Variants in GPR160 observed in about 807,000 individuals in gnomAD.
GPR160 encodes the protein G protein-coupled receptor 160.
Under a neutral mutation model 2.6 loss-of-function variants are expected in GPR160, and 2 were observed. The ratio of observed to expected loss-of-function variants is 0.77; its 90% confidence interval spans 0.32 to 2.44. The LOEUF (loss-of-function observed/expected upper bound fraction) is 2.44. Ranked by LOEUF, GPR160 falls within the 30% of genes most tolerant of loss-of-function variation. GPR160 has a pLI of 0.11. For missense variants in GPR160, 351 were observed against 383.6 expected, an observed-to-expected ratio of 0.91 and a Z score of 0.71; for synonymous variants, 130 against 132.2, an observed-to-expected ratio of 0.98 and a Z score of 0.12.
intron 2 of GPR160, among the ~76,000 whole-genome samples, chr3:170,042,491 G>A (rs977973018): frequency 4.0e-5 from 6 of 149,950 alleles, no homozygotes; most frequent in Non-Finnish European, 5.9e-5. Context: ...GGGAGACAGG[G>A]AAGGAAATTT....
intron 2 of GPR160, among the ~76,000 whole-genome samples, chr3:170,041,586 A>T (rs1240373662): frequency 6.6e-6 from 1 of 152,192 alleles, no homozygotes; most frequent in East Asian, 1.9e-4. Flanking sequence ...GGCCGTAAAG[A>T]TGTTTTAAGA....
chr3:170,062,797 G>A (rs1712035268), intron 2 of GPR160: 6 of 678,572 alleles, frequency 8.8e-6, no homozygotes, highest in Non-Finnish European at 1.6e-5. Context: ...TTTGAAGAAA[G>A]GGAAAGAATA....
chr3:170,055,237 C>T (rs1342636529), intron 2 of GPR160, among the ~76,000 whole-genome samples: 2 of 152,112 alleles, frequency 1.3e-5, no homozygotes, highest in Non-Finnish European at 2.9e-5. Flanking sequence ...TGGCGTAGGT[C>T]TGGGATACTG....
At position 170,041,486 on chromosome 3, in the gene GPR160, G is replaced by C. The variant is rs190453146; in HGVS notation, c.-193+2443G>C. Among the ~76,000 whole-genome samples the C allele has an allele frequency of 6.6e-4, 101 of 152,120 alleles. 1 individual carries two copies. In the East Asian group the frequency reaches 7.0e-3, roughly 10 times the overall value. On this transcript the variant is annotated intron_variant, in intron 2 of 3. Coordinates refer to ENST00000355897, the MANE Select transcript of GPR160 (RefSeq NM_014373.3). Reference sequence around the variant, plus strand: ...CCGGCTAATTTTTAGTAGAGACGGGGTTTCACCGTGGTCTCCATCTGTTGA... The same window carrying C: ...CCGGCTAATTTTTAGTAGAGACGGGCTTTCACCGTGGTCTCCATCTGTTGA...
chr3:170,066,357 T>C (rs1040366602), intron 2 of GPR160, among the ~76,000 whole-genome samples: 1 of 151,962 alleles, frequency 6.6e-6, no homozygotes, highest in Non-Finnish European at 1.5e-5. Flanking sequence ...GCCAGGATGG[T>C]CTCAATCTCC....
Position 170,084,385 on chromosome 3 carries a change from T to TTTA in GPR160, c.416_418dup (p.Tyr139dup), listed in dbSNP as rs1156932383. ...CTTTCATTTAAGTGTCAAAAATTAT[T>TTTA]TTATTTCTTTACAGTAATTTTAATT... On this transcript the variant is annotated inframe_insertion, in exon 4 of 4. Transcript: ENST00000355897. 3.1e-6 allele frequency: 5 copies of TTTA among 1,606,988 alleles called. No individual in the cohort carries two copies. The African/African-American group carries it at 5.4e-5, about 17-fold the overall frequency.
At chr3:170,049,104 C>T (rs867937137) in intron 2 of GPR160, among the ~76,000 whole-genome samples, 1 of 152,170 alleles carries the variant, frequency 6.6e-6, no homozygotes, top group Non-Finnish European at 1.5e-5. Flanking sequence ...TAACGTAAGA[C>T]CGTGTAAGGA....
At chr3:170,062,657 G>A (rs556053132) in intron 2 of GPR160, 12 of 1,435,368 alleles carry the variant, frequency 8.4e-6, no homozygotes, top group African/African-American at 7.0e-5. Context: ...TGCAGCCATC[G>A]CCAAGCAAGC....
In GPR160 at chr3:170,084,444, C is replaced by T. The variant is rs1284003135; in HGVS notation, c.472C>T (p.Pro158Ser). The T allele has an allele frequency of 1.2e-6, 2 of 1,611,788 alleles. No homozygotes were observed. Among genetic ancestry groups the T allele is most frequent in the African/African-American group, 1.3e-5 (1 of 74,814 alleles). The change falls in exon 4 of 4, where the codon CCA becomes TCA. Residue 158 changes from proline to serine, a missense_variant. Transcript: ENST00000355897. ...AGTCCTTGCTTATGTTTTGGGAGAC[C>T]CAGCCATCTACCAAAGCCTGAAGGC... ...ISVLAYVLGD[P>S]AIYQSLKAQN...
intron 2 of GPR160, among the ~76,000 whole-genome samples, chr3:170,076,593 GAGT>G (rs1576913016): frequency 6.6e-6 from 1 of 151,856 alleles, no homozygotes; most frequent in East Asian, 1.9e-4. Context: ...GCTCAGGCTG[GAGT>G]GTAGTGGTGC....
intron 3 of GPR160, 70 bp from the exon 4 acceptor site, chr3:170,083,835 A>G: frequency 2.2e-6 from 1 of 464,626 alleles, no homozygotes. Context: ...GGCTTTTAAG[A>G]ATAGTGGTGC....
At position 170,038,923 on chromosome 3, in the gene GPR160, G is replaced by C. The variant is rs896737674; in HGVS notation, c.-313G>C. On this transcript the variant is annotated 5_prime_UTR_variant, in exon 2 of 4. Transcript: ENST00000355897. This position sits in a 1 kb window ranked among gnomAD's most constrained non-coding sequence, Gnocchi z 5.3. ...TTTTCTCACCTGCGCAGGTGGCCTC[G>C]AGGTGGTGGCAGGGCCGCCCCCTGC... 6.6e-6 allele frequency: 1 copy of C among 151,992 alleles called. No individual in the cohort carries two copies. Among genetic ancestry groups the C allele is most frequent in the Non-Finnish European group, 1.5e-5 (1 of 67,986 alleles). The allele number at this position is 151,992 out of a possible 1,614,324, so 9.4% of individuals were successfully genotyped here.
chr3:170,080,094 T>C (rs904990943), intron 3 of GPR160, among the ~76,000 whole-genome samples, 197 bp downstream of exon 3: 1 of 152,204 alleles, frequency 6.6e-6, no homozygotes, highest in Non-Finnish European at 1.5e-5. Context: ...TCACAAGTAG[T>C]TTAAAGAATC....
chr3:170,082,022 A>G (rs1335635377), intron 3 of GPR160, among the ~76,000 whole-genome samples: 1 of 152,154 alleles, frequency 6.6e-6, no homozygotes, highest in Non-Finnish European at 1.5e-5. Flanking sequence ...ACACTGATTT[A>G]TCTTCAGACA....
intron 3 of GPR160, among the ~76,000 whole-genome samples, chr3:170,082,871 A>G (rs1713203782): frequency 6.6e-6 from 1 of 151,518 alleles, no homozygotes; most frequent in South Asian, 2.1e-4. Context: ...CTGGGATTTC[A>G]GGCAAGAGCC....
At chr3:170,062,929 G>T (rs1044244884) in intron 2 of GPR160, 5 of 337,080 alleles carry the variant, frequency 1.5e-5, no homozygotes, top group African/African-American at 8.6e-5. Context: ...AAAAGCACCG[G>T]AGCCTCACGG....
intron 2 of GPR160, among the ~76,000 whole-genome samples, chr3:170,040,818 T>C (rs1716413899): frequency 6.6e-6 from 1 of 152,202 alleles, no homozygotes. Context: ...CTTAGCTGTG[T>C]TGTGTTGCCT....
chr3:170,046,730 G>A (rs1183901200), intron 2 of GPR160, among the ~76,000 whole-genome samples: 2 of 152,100 alleles, frequency 1.3e-5, no homozygotes, highest in African/African-American at 4.8e-5. Flanking sequence ...AGGGCTATCT[G>A]GTTTGATCTT....
chr3:170,046,123 G>C (rs1716709934), intron 2 of GPR160, among the ~76,000 whole-genome samples: 1 of 152,186 alleles, frequency 6.6e-6, no homozygotes, highest in Non-Finnish European at 1.5e-5. Flanking sequence ...AAAGACCACA[G>C]GGAAGAAATG....
Sources: allele counts gnomAD v4.1 joint callset (sites outside exome capture counted in the v4.1 genomes callset), GRCh38; gene constraint gnomAD v4.1.1; non-coding constraint Gnocchi (gnomAD v3.1); transcripts MANE v1.5; gene names NCBI Gene and HGNC (gene_info 2026-07-23, HGNC 2026-07-21).